Variants in NEB observed in about 807,000 individuals in gnomAD.
NEB encodes the protein nemaline myopathy type 2.
A neutral mutation model predicts 952.2 loss-of-function variants in NEB; 512 were observed. That is an observed-to-expected ratio of 0.54 (90% CI 0.50 to 0.58). NEB has a LOEUF of 0.58. Among genes scored for constraint, NEB ranks in the 20% least tolerant of loss-of-function variants. NEB has a pLI of 0.00. For missense variants in NEB, 8,428 were observed against 9,231.1 expected, an observed-to-expected ratio of 0.91 and a Z score of 3.56; for synonymous variants, 2,900 against 3,149.8, an observed-to-expected ratio of 0.92 and a Z score of 2.66.
At chr2:151,676,555 T>C (rs1156236440) in intron 34 of NEB, among the ~76,000 whole-genome samples, 2 of 152,208 alleles carry the variant, frequency 1.3e-5, no homozygotes, top group African/African-American at 2.4e-5. Context: ...ACGAGTCCCT[T>C]ACTAATCAGG....
chr2:151,553,074 T>A (rs1291117329), intron 127 of NEB, among the ~76,000 whole-genome samples: 1 of 152,220 alleles, frequency 6.6e-6, no homozygotes, highest in East Asian at 1.9e-4. Context: ...AGAGCTTGTC[T>A]ATAGCATTGC....
chr2:151,667,423 G>A (rs2099232957), intron 40 of NEB, among the ~76,000 whole-genome samples: 1 of 151,992 alleles, frequency 6.6e-6, no homozygotes. Context: ...TATTTTAAGT[G>A]AGGCAATATA....
chr2:151,679,090 A>T (rs1182081866), intron 32 of NEB, among the ~76,000 whole-genome samples: 1 of 152,164 alleles, frequency 6.6e-6, no homozygotes, highest in Non-Finnish European at 1.5e-5. Context: ...AGGTAAGCAG[A>T]GAAACAAAAA....
At chr2:151,615,718 C>T (rs529023851) in intron 76 of NEB, among the ~76,000 whole-genome samples, 3 of 151,924 alleles carry the variant, frequency 2.0e-5, no homozygotes, top group South Asian at 2.1e-4. Flanking sequence ...TTTTTGAAGA[C>T]GGAGTGTTCA....
At chr2:151,534,252 T>A (rs776522000) in intron 142 of NEB, 3 of 1,613,642 alleles carry the variant, frequency 1.9e-6, no homozygotes, top group Non-Finnish European at 2.5e-6. Flanking sequence ...AGCCAGCAGA[T>A]GTCTAGGCTC....
At chr2:151,724,113 T>A (rs2099783612) in intron 8 of NEB, 147 bp downstream of exon 8, 1 of 681,486 alleles carries the variant, frequency 1.5e-6, no homozygotes, top group Non-Finnish European at 2.5e-6. Context: ...TGCCAAGCCC[T>A]ATCCCTGCAG....
At position 151,725,526 on chromosome 2, in the gene NEB, C is replaced by T. The variant is rs761337214; in HGVS notation, c.329G>A (p.Gly110Glu). 7 of 1,613,490 alleles carry T rather than the reference C, an allele frequency of 4.3e-6. No individual in the cohort carries two copies. Among genetic ancestry groups the T allele is most frequent in the Admixed American group, 3.3e-5 (2 of 59,966 alleles). Residue 110 changes from glycine (G) to glutamate (E), a missense_variant, in exon 6 of 182, where the codon GGA becomes GAA. This residue lies in a region of NEB where 2,851 missense variants were observed against 2,791.5 expected (regional missense o/e 1.02). Transcript: ENST00000397345. ...KYKEKFEKTK[G>E]QPYASTTDTP... ...ATCTGTTGTGCTGGCGTATGGCTGT[C>T]CTTTTGTTTTCTCAAACTTCTCCTT...
intron 85 of NEB, among the ~76,000 whole-genome samples, chr2:151,604,295 C>T (rs1210733378): frequency 1.3e-4 from 15 of 111,382 alleles, no homozygotes; most frequent in Non-Finnish European, 1.6e-4. Context: ...GCAAAGGTAA[C>T]GGCTCAGAGC....
At chr2:151,496,480 G>A in intron 172 of NEB, 112 bp from the exon 173 acceptor site, 1 of 1,464,348 alleles carries the variant, frequency 6.8e-7, no homozygotes, top group Non-Finnish European at 9.2e-7. Context: ...CGTCCAAGGA[G>A]CCAGAAGTTA....
At chr2:151,559,429 T>C (rs2095874559) in intron 124 of NEB, among the ~76,000 whole-genome samples, 2 of 152,168 alleles carry the variant, frequency 1.3e-5, no homozygotes, top group Admixed American at 1.3e-4. Context: ...GACCCAGCAA[T>C]CCCATTACTG....
chr2:151,520,601 A>G (rs2081261919), intron 153 of NEB, among the ~76,000 whole-genome samples: 1 of 152,150 alleles, frequency 6.6e-6, no homozygotes, highest in Non-Finnish European at 1.5e-5. Context: ...GTGGTGGCTC[A>G]TGCCTGTAAT....
chr2:151,629,679 A>G (rs756979937), intron 67 of NEB, 33 bp from the exon 68 acceptor site: 1 of 1,544,418 alleles, frequency 6.5e-7, no homozygotes, highest in Non-Finnish European at 9.0e-7. Context: ...TTAAAGCAAA[A>G]GGTTTGACAT....
intron 6 of NEB, 111 bp from the exon 7 acceptor site, chr2:151,725,072 C>A: frequency 1.3e-6 from 1 of 782,142 alleles, no homozygotes; most frequent in South Asian, 1.7e-5. Context: ...GTCTGCATCA[C>A]AAAGCATAGT....
chr2:151,654,974 A>T (rs981745463), intron 51 of NEB, among the ~76,000 whole-genome samples: 1 of 152,184 alleles, frequency 6.6e-6, no homozygotes, highest in Admixed American at 6.5e-5. Flanking sequence ...GGTGCATGTC[A>T]TCACACCTGG....
intron 28 of NEB, 126 bp downstream of exon 28, chr2:151,684,652 T>G (rs930894980): frequency 1.2e-6 from 1 of 813,360 alleles, no homozygotes. Context: ...ACCACAAGGG[T>G]CGTTTGCTTA....
rs1367817437 is a variant in NEB at position 151,518,322 on chromosome 2, C to T, written c.22796G>A (p.Ser7599Asn). The T allele has an allele frequency of 6.3e-7, 1 of 1,597,100 alleles. No homozygotes were observed. Among genetic ancestry groups the T allele is most frequent in the East Asian group, 2.2e-5 (1 of 44,756 alleles). ...LHLKEATELQ[S>N]IVKYKEKYEK... Reference sequence around the variant, plus strand: ...AATCGGTCTTGATCCACTTACTATACTCTGTAATTCTGTGGCCTCTTTTAG... The same window carrying T: ...AATCGGTCTTGATCCACTTACTATATTCTGTAATTCTGTGGCCTCTTTTAG... Residue 7599 changes from serine (S) to asparagine (N), a missense_variant, in exon 156 of 182, where the codon AGT becomes AAT. Ser to Asn is a conservative substitution (Grantham distance 46). Around this residue, in one of 11 missense-constraint regions of NEB, gnomAD observed 3,374 missense variants for 3,651.5 expected, o/e 0.92. Transcript: ENST00000397345.
intron 163 of NEB, among the ~76,000 whole-genome samples, 176 bp downstream of exon 163, chr2:151,506,733 A>T (rs971573799): frequency 6.6e-6 from 1 of 152,118 alleles, no homozygotes; most frequent in Non-Finnish European, 1.5e-5. Flanking sequence ...AGTTATTTCA[A>T]ATGGTCTCTG....
At chr2:151,529,356 C>T in intron 145 of NEB, 42 bp from the exon 146 acceptor site, 1 of 1,242,988 alleles carries the variant, frequency 8.0e-7, no homozygotes, top group Non-Finnish European at 1.2e-6. Context: ...TTTTTTATAG[C>T]AGCATACTGA....
At chr2:151,507,215 G>T in intron 162 of NEB, 1 of 504,954 alleles carries the variant, frequency 2.0e-6, no homozygotes, top group Non-Finnish European at 3.5e-6. Context: ...ATAAAGCTAG[G>T]GGTTTGTTTT....
Sources: gnomAD v4.1 joint callset for allele counts (sites outside exome capture counted in the v4.1 genomes callset) on GRCh38, gnomAD v4.1.1 for gene constraint, gnomAD v4.1.1 regional missense constraint, MANE v1.5 for transcripts, NCBI Gene and HGNC (gene_info 2026-07-23, HGNC 2026-07-21) for gene names.